ETNK1: variants seen among roughly 807,000 people sequenced by gnomAD.
ETNK1 encodes putative protein product of Nbla10396.
A neutral mutation model predicts 45.1 loss-of-function variants in ETNK1; 8 were observed. The observed-to-expected ratio is 0.18, with a 90% CI of 0.10 to 0.32. ETNK1 has a LOEUF of 0.32. Ranked by LOEUF, ETNK1 falls within the 10% of genes least tolerant of loss-of-function variation. The probability of loss-of-function intolerance (pLI) is 1.00; values close to 1 mark genes in which losing one functional copy is unlikely to be tolerated. For synonymous variants in ETNK1, 152 were observed against 151.9 expected (o/e 1.00, Z -0.01); for missense variants, 302 against 430.6 (o/e 0.70, Z 2.64).
chr12:22,683,209 C>G (rs1425877433), intron 6 of ETNK1, among the ~76,000 whole-genome samples: 1 of 151,688 alleles, frequency 6.6e-6, no homozygotes, highest in Non-Finnish European at 1.5e-5. Flanking sequence ...GTCTTTGCTA[C>G]ATTGTTTATT....
chr12:22,646,178 A>C (rs1015598771), intron 2 of ETNK1, among the ~76,000 whole-genome samples: 1 of 151,900 alleles, frequency 6.6e-6, no homozygotes, highest in African/African-American at 2.4e-5. Context: ...ACTGTATTCT[A>C]ATTCCTATGG....
chr12:22,676,323 G>A (rs1011116076), intron 6 of ETNK1, among the ~76,000 whole-genome samples: 2 of 152,112 alleles, frequency 1.3e-5, no homozygotes, highest in Non-Finnish European at 2.9e-5. Flanking sequence ...CCATGTTCCT[G>A]CAAAGGACAT....
intron 1 of ETNK1, among the ~76,000 whole-genome samples, chr12:22,642,066 T>C (rs1215523336): frequency 6.6e-6 from 1 of 152,166 alleles, no homozygotes; most frequent in Non-Finnish European, 1.5e-5. Context: ...TTAATGTTGG[T>C]AGCTATACGA....
In ETNK1 at chr12:22,673,627, A is replaced by C. The variant is rs773977042; in HGVS notation, c.912A>C (p.Glu304Asp). 6 of 1,613,864 alleles carry C rather than the reference A, an allele frequency of 3.7e-6. No homozygotes were observed. Among genetic ancestry groups the C allele is most frequent in the Non-Finnish European group, 5.1e-6 (6 of 1,179,872 alleles). ...CTGAAGTTACTGAAAAGGAGGTAGA[A>C]ATACTCTTCATTCAAGTCAATCAGT... ...FGTEVTEKEV[E>D]ILFIQVNQFA... Residue 304 changes from glutamate to aspartate, a missense_variant, in exon 6 of 8, where the codon GAA becomes GAC. Physicochemically the swap from Glu to Asp is conservative, Grantham distance 45. Transcript: ENST00000266517.
chr12:22,647,620 CTG>C (rs778137722), intron 2 of ETNK1, among the ~76,000 whole-genome samples: 21 of 151,904 alleles, frequency 1.4e-4, no homozygotes, highest in Non-Finnish European at 2.4e-4. Flanking sequence ...AATAGCTTAA[CTG>C]TGGCTACAAT....
At chr12:22,658,844 A>G (rs889660795) in intron 2 of ETNK1, among the ~76,000 whole-genome samples, 170 bp from the exon 3 acceptor site, 1 of 152,212 alleles carries the variant, frequency 6.6e-6, no homozygotes, top group East Asian at 1.9e-4. Context: ...TACTCTTGCT[A>G]AACTGACTCA....
intron 1 of ETNK1, among the ~76,000 whole-genome samples, 186 bp from the exon 2 acceptor site, chr12:22,643,577 T>C (rs962467481): frequency 6.6e-6 from 1 of 152,132 alleles, no homozygotes; most frequent in Non-Finnish European, 1.5e-5. Context: ...TTAGTGGTTC[T>C]CTTTGTTTAA....
chr12:22,668,587 A>G (rs1954077485), intron 4 of ETNK1, among the ~76,000 whole-genome samples: 1 of 152,066 alleles, frequency 6.6e-6, no homozygotes, highest in South Asian at 2.1e-4. Flanking sequence ...AATTTTCTTC[A>G]TCTGCTACAG....
intron 6 of ETNK1, among the ~76,000 whole-genome samples, chr12:22,675,377 A>T (rs149419940): frequency 2.0e-3 from 300 of 152,112 alleles, no homozygotes; most frequent in African/African-American, 6.8e-3. Context: ...TTTATTAGAT[A>T]CAAGGTCTTG....
chr12:22,653,511 G>A (rs976225815), intron 2 of ETNK1, among the ~76,000 whole-genome samples: 1 of 151,944 alleles, frequency 6.6e-6, no homozygotes, highest in African/African-American at 2.4e-5. Context: ...CTGTTTATTT[G>A]TGTATTTAAT....
rs919953366 is a variant in ETNK1 at position 22,689,287 on chromosome 12, T to G, written c.*4333T>G. On this transcript the variant is annotated 3_prime_UTR_variant, in exon 8 of 8. Coordinates refer to ENST00000266517, the MANE Select transcript of ETNK1 (RefSeq NM_018638.5). ...CTATTTTGTGTTTGACGCATCAAAC[T>G]TCAAGTTTTTTGTAAGTTTCTCTCC... 1.3e-5 allele frequency: 2 copies of G among 151,926 alleles called. No individual in the cohort carries two copies. Among genetic ancestry groups the G allele is most frequent in the African/African-American group, 4.8e-5 (2 of 41,440 alleles). 9.4% of individuals were successfully genotyped at this position (151,926 alleles called of 1,614,324 possible). A position where few individuals can be genotyped will look rare whatever the true frequency, so the allele number is the denominator to read the frequency against.
chr12:22,669,656 C>T (rs1325637749), intron 4 of ETNK1, among the ~76,000 whole-genome samples: 2 of 152,116 alleles, frequency 1.3e-5, no homozygotes, highest in Non-Finnish European at 2.9e-5. Flanking sequence ...GTTTCTACTT[C>T]CCATTCTGCA....
intron 2 of ETNK1, chr12:22,656,870 T>A: frequency 1.1e-6 from 1 of 878,034 alleles, no homozygotes; most frequent in Non-Finnish European, 1.4e-6. Context: ...TAAATATTTC[T>A]AAGATATAAT....
intron 1 of ETNK1, among the ~76,000 whole-genome samples, chr12:22,631,795 G>T (rs1007100768): frequency 3.9e-5 from 6 of 152,134 alleles, no homozygotes; most frequent in Non-Finnish European, 8.8e-5. Context: ...GGAAGTAGTA[G>T]AAGACCTTTA....
chr12:22,679,825 A>G (rs1954196985), intron 6 of ETNK1, among the ~76,000 whole-genome samples: 1 of 151,056 alleles, frequency 6.6e-6, no homozygotes, highest in Admixed American at 6.6e-5. Context: ...CTCAGTAGCT[A>G]GGAGTACAGG....
chr12:22,639,037 C>T (rs1290640767), intron 1 of ETNK1: 5 of 151,846 alleles, frequency 3.3e-5, no homozygotes, highest in South Asian at 2.1e-4. Context: ...TATTTTTATA[C>T]GTATTTGTTT....
At chr12:22,674,023 C>T (rs565596037) in intron 6 of ETNK1, among the ~76,000 whole-genome samples, 1 of 152,212 alleles carries the variant, frequency 6.6e-6, no homozygotes, top group South Asian at 2.1e-4. Flanking sequence ...GGAGCTTTTC[C>T]ACAACACATT....
At chr12:22,684,460 G>T (rs763370825) in intron 6 of ETNK1, 23 bp from the exon 7 acceptor site, 17 of 1,566,274 alleles carry the variant, frequency 1.1e-5, no homozygotes, top group East Asian at 2.2e-5. Flanking sequence ...CATAATTTTT[G>T]ATTTTTCTTT....
intron 1 of ETNK1, among the ~76,000 whole-genome samples, chr12:22,634,765 G>C (rs376585211): frequency 6.6e-6 from 1 of 151,998 alleles, no homozygotes; most frequent in Admixed American, 6.6e-5. Flanking sequence ...ATGTTGCCCA[G>C]GCTGGTCTTG....
Sources: gnomAD v4.1 joint callset for allele counts (sites outside exome capture counted in the v4.1 genomes callset) on GRCh38, gnomAD v4.1.1 for gene constraint, MANE v1.5 for transcripts, NCBI Gene and HGNC (gene_info 2026-07-23, HGNC 2026-07-21) for gene names.